The following NRG3 variants were observed in gnomAD, a reference collection of about 807,000 sequenced individuals.
NRG3 encodes pro-neuregulin-3, membrane-bound isoform.
Under a neutral mutation model 66.9 loss-of-function variants are expected in NRG3, and 31 were observed. That is an observed-to-expected ratio of 0.46 (90% confidence interval 0.35 to 0.63). The LOEUF (loss-of-function observed/expected upper bound fraction) is 0.63, where lower values mean the gene tolerates loss of function less well. NRG3 is among the 20% of genes least tolerant of loss of function. The pLI is 0.00. For missense variants in NRG3, 910 were observed against 878.9 expected, an observed-to-expected ratio of 1.04 and a Z score of -0.45; for synonymous variants, 393 against 359.4, an observed-to-expected ratio of 1.09 and a Z score of -1.06.
intron 2 of NRG3, among the ~76,000 whole-genome samples, chr10:82,422,726 T>A (rs1181960640): frequency 2.6e-5 from 4 of 152,024 alleles, no homozygotes; most frequent in African/African-American, 9.7e-5. Context: ...CATACAAACT[T>A]GTTTTGTTTT....
intron 3 of NRG3, among the ~76,000 whole-genome samples, chr10:82,858,722 T>C (rs965952659): frequency 2.6e-5 from 4 of 152,166 alleles, no homozygotes; most frequent in Non-Finnish European, 4.4e-5. Flanking sequence ...TGTTTTGTAA[T>C]TGAGTGGGTG....
At chr10:82,625,498 C>A (rs925091046) in intron 2 of NRG3, among the ~76,000 whole-genome samples, 5 of 152,052 alleles carry the variant, frequency 3.3e-5, no homozygotes, top group Non-Finnish European at 7.4e-5. Flanking sequence ...GATATTATAG[C>A]CTTGGAAGTG....
At chr10:82,131,636 C>T (rs142628550) in intron 1 of NRG3, among the ~76,000 whole-genome samples, 2 of 152,094 alleles carry the variant, frequency 1.3e-5, no homozygotes, top group Admixed American at 6.6e-5. Context: ...GGTAGTTTGG[C>T]ATTTTAACAA....
intron 2 of NRG3, among the ~76,000 whole-genome samples, chr10:82,538,144 T>C (rs1465796613): frequency 6.6e-6 from 1 of 152,138 alleles, no homozygotes; most frequent in Non-Finnish European, 1.5e-5. Flanking sequence ...GTACCTTACC[T>C]CATTTGATAG....
chr10:82,166,108 C>T (rs531320142), intron 1 of NRG3, among the ~76,000 whole-genome samples: 41 of 152,174 alleles, frequency 2.7e-4, no homozygotes, highest in Non-Finnish European at 1.0e-4. Flanking sequence ...CCACAACCTC[C>T]GCCTCCCAGG....
chr10:82,771,466 TTA>T (rs2059708874), intron 3 of NRG3, among the ~76,000 whole-genome samples: 1 of 152,116 alleles, frequency 6.6e-6, no homozygotes, highest in African/African-American at 2.4e-5. Context: ...CATCCCACAG[TTA>T]TAGTCAGGCT....
chr10:82,025,781 T>C lies in NRG3; in HGVS notation c.823+149618T>C, dbSNP rs1390739788. On this transcript the variant is annotated intron_variant, in intron 1 of 8. Coordinates refer to ENST00000372141, the MANE Select transcript of NRG3 (RefSeq NM_001010848.4). ...ATTGGCAACTTCTAATTCTTCTTTG[T>C]AAATAGCTTGTTTTGGGTTTATATC... Among the ~76,000 whole-genome samples the C allele has an allele frequency of 2.0e-5, 3 of 152,282 alleles. No homozygotes were observed. The East Asian group carries it at 5.8e-4, about 29-fold the overall frequency.
intron 4 of NRG3, among the ~76,000 whole-genome samples, chr10:82,922,844 CT>C (rs1448893537): frequency 1.3e-5 from 2 of 152,192 alleles, no homozygotes; most frequent in Non-Finnish European, 2.9e-5. Context: ...TCCCATCCCC[CT>C]ATTCCTGATG....
intron 2 of NRG3, among the ~76,000 whole-genome samples, chr10:82,405,467 T>C (rs2087445828): frequency 6.7e-6 from 1 of 150,144 alleles, no homozygotes; most frequent in Non-Finnish European, 1.5e-5. Flanking sequence ...TGTTTTTTTT[T>C]TTTTTGAAAT....
intron 4 of NRG3, among the ~76,000 whole-genome samples, chr10:82,907,466 A>G (rs1275149592): frequency 3.3e-5 from 5 of 152,142 alleles, no homozygotes; most frequent in Non-Finnish European, 7.4e-5. Flanking sequence ...CAAATTTTTT[A>G]TTAATCAGGA....
intron 2 of NRG3, among the ~76,000 whole-genome samples, chr10:82,695,408 C>T (rs1037025959): frequency 1.9e-4 from 29 of 152,076 alleles, no homozygotes; most frequent in African/African-American, 6.0e-4. Context: ...ACAATAGTCA[C>T]GGAATCGTTA....
chr10:82,427,318 C>A (rs1261245750), intron 2 of NRG3, among the ~76,000 whole-genome samples: 1 of 152,064 alleles, frequency 6.6e-6, no homozygotes, highest in Non-Finnish European at 1.5e-5. Context: ...GTTGGTTTTT[C>A]ATAAACGCTC....
chr10:82,440,120 A>G (rs2090355181), intron 2 of NRG3, among the ~76,000 whole-genome samples: 2 of 151,984 alleles, frequency 1.3e-5, no homozygotes, highest in African/African-American at 2.4e-5. Flanking sequence ...CATCTTTTCT[A>G]TGATCACTGG....
intron 1 of NRG3, among the ~76,000 whole-genome samples, chr10:81,908,860 T>C (rs1384919247): frequency 6.6e-6 from 1 of 152,180 alleles, no homozygotes; most frequent in Admixed American, 6.5e-5. Flanking sequence ...CTCTTTCCCA[T>C]ACTGTTTTAC....
intron 3 of NRG3, among the ~76,000 whole-genome samples, chr10:82,839,094 C>A (rs1272456462): frequency 6.6e-6 from 1 of 152,108 alleles, no homozygotes; most frequent in Non-Finnish European, 1.5e-5. Flanking sequence ...ATGCGAGCTA[C>A]AATTCAAGAT....
At chr10:81,955,004 C>T (rs2133223348) in intron 1 of NRG3, among the ~76,000 whole-genome samples, 2 of 151,910 alleles carry the variant, frequency 1.3e-5, no homozygotes, top group Middle Eastern at 6.8e-3. Flanking sequence ...TAACTAAAGT[C>T]TGTATTAGTG....
intron 4 of NRG3, among the ~76,000 whole-genome samples, chr10:82,912,369 C>T (rs1484341317): frequency 2.6e-5 from 4 of 152,132 alleles, no homozygotes; most frequent in Non-Finnish European, 2.9e-5. Context: ...GTTATGTTTT[C>T]TGGAAAGTTG....
chr10:82,205,637 C>T (rs1415310105), intron 1 of NRG3, among the ~76,000 whole-genome samples: 1 of 152,154 alleles, frequency 6.6e-6, no homozygotes, highest in Non-Finnish European at 1.5e-5. Flanking sequence ...TTCATGCTCA[C>T]AGTCTTCACC....
At chr10:82,312,488 A>G (rs1471010366) in intron 1 of NRG3, among the ~76,000 whole-genome samples, 1 of 152,206 alleles carries the variant, frequency 6.6e-6, no homozygotes, top group Admixed American at 6.5e-5. Flanking sequence ...TTTTACCTGT[A>G]TCTTCTACCT....
Sources: allele counts gnomAD v4.1 joint callset (sites outside exome capture counted in the v4.1 genomes callset), GRCh38; gene constraint gnomAD v4.1.1; transcripts MANE v1.5; gene names NCBI Gene and HGNC (gene_info 2026-07-23, HGNC 2026-07-21).